The following CSMD1 variants were observed in gnomAD, a reference collection of about 807,000 sequenced individuals.
The protein encoded by CSMD1 is CUB and sushi domain-containing protein 1.
Under a neutral mutation model 417.5 loss-of-function variants are expected in CSMD1, and 213 were observed. That is an observed-to-expected ratio of 0.51 (90% confidence interval 0.46 to 0.57). CSMD1 has a LOEUF of 0.57. Among genes scored for constraint, CSMD1 ranks in the 20% least tolerant of loss-of-function variants. The probability of loss-of-function intolerance (pLI) is 0.00; values close to 1 mark genes in which losing one functional copy is unlikely to be tolerated. For synonymous variants in CSMD1, 2,862 were observed against 1,736.8 expected, an observed-to-expected ratio of 1.65 and a Z score of -16.11; for missense variants, 6,923 against 4,529.7, an observed-to-expected ratio of 1.53 and a Z score of -15.17.
intron 1 of CSMD1, among the ~76,000 whole-genome samples, chr8:4,691,399 C>T (rs1806760449): frequency 1.3e-5 from 2 of 152,210 alleles, no homozygotes; most frequent in Non-Finnish European, 2.9e-5. Context: ...AAAGCAACCA[C>T]CTTCTTGCAA....
At chr8:3,295,317 G>C (rs770066303) in intron 25 of CSMD1, among the ~76,000 whole-genome samples, 10 of 151,902 alleles carry the variant, frequency 6.6e-5, no homozygotes, top group Non-Finnish European at 1.0e-4. Context: ...TAGTAGACAC[G>C]GGGTTTCACT....
chr8:4,021,540 C>A (rs976125645), intron 4 of CSMD1, among the ~76,000 whole-genome samples: 7 of 152,166 alleles, frequency 4.6e-5, no homozygotes, highest in African/African-American at 1.4e-4. Flanking sequence ...CAGCAAGGAT[C>A]AGCTCCTTCT....
At chr8:3,843,349 C>T (rs921635346) in intron 5 of CSMD1, among the ~76,000 whole-genome samples, 2 of 152,074 alleles carry the variant, frequency 1.3e-5, no homozygotes, top group African/African-American at 2.4e-5. Flanking sequence ...ACTTTATTTA[C>T]TGAATATTTA....
chr8:4,380,882 T>C (rs1803059387), intron 3 of CSMD1, among the ~76,000 whole-genome samples: 1 of 152,152 alleles, frequency 6.6e-6, no homozygotes, highest in African/African-American at 2.4e-5. Context: ...ACTTTTTATA[T>C]TTTAGGTAGT....
intron 5 of CSMD1, among the ~76,000 whole-genome samples, chr8:3,929,924 A>G (rs1052951565): frequency 3.3e-5 from 5 of 150,216 alleles, no homozygotes; most frequent in African/African-American, 1.2e-4. Flanking sequence ...AGCCTCCCAA[A>G]GCGCTGGGAT....
rs117892183 is a variant in CSMD1 at position 3,727,615 on chromosome 8, G to A, written c.932-19124C>T. ...TATGATACTGCAATTCGACTTTTGC[G>A]TACACACCTGAAATAATGGAAAGCT... On this transcript the variant is annotated intron_variant, in intron 6 of 69. Coordinates refer to ENST00000635120, the MANE Select transcript of CSMD1 (RefSeq NM_033225.6). 7.2e-3 allele frequency among the ~76,000 whole-genome samples: 1,092 copies of A among 152,240 alleles called. 3 individuals are homozygous for A. Among genetic ancestry groups the A allele is most frequent in the South Asian group, 0.016 (75 of 4,826 alleles).
intron 3 of CSMD1, among the ~76,000 whole-genome samples, chr8:4,376,301 T>G (rs770632580): frequency 6.6e-6 from 1 of 152,202 alleles, no homozygotes; most frequent in Non-Finnish European, 1.5e-5. Context: ...GTAGAAAATT[T>G]AGAAAGTCAG....
chr8:4,626,899 T>C (rs187900036), intron 2 of CSMD1, among the ~76,000 whole-genome samples: 1 of 152,296 alleles, frequency 6.6e-6, no homozygotes, highest in African/African-American at 2.4e-5. Context: ...TTTTCGATTC[T>C]TTATTATTTT....
intron 6 of CSMD1, among the ~76,000 whole-genome samples, chr8:3,725,524 A>C (rs2720808): frequency 0.97 from 147,338 of 152,268 alleles, 71,467 homozygotes; most frequent in East Asian, 1. Context: ...GTGTATGTGT[A>C]TGTGGGTTTG....
Position 3,998,020 on chromosome 8 carries a change from C to T in CSMD1, c.701G>A (p.Cys234Tyr), listed in dbSNP as rs748456649. ...GGGCTCAGCCAGAATGGTCCAGGTG[C>T]AGTCCGCGTTGTTCTCGTACTCTGA... ...FPSEYENNAD[C>Y]TWTILAEPGD... The change falls in exon 5 of 70, where the codon TGC (cysteine) becomes TAC (tyrosine). Residue 234 changes from cysteine (C) to tyrosine (Y), a missense_variant. Transcript: ENST00000635120. 7 of 1,607,372 alleles carry T rather than the reference C, an allele frequency of 4.4e-6. No individual in the cohort carries two copies. Among genetic ancestry groups the T allele is most frequent in the Non-Finnish European group, 5.9e-6 (7 of 1,176,654 alleles).
chr8:4,520,042 C>T lies in CSMD1; in HGVS notation c.303-99977G>A, dbSNP rs147488351. Among the ~76,000 whole-genome samples, 200 of 151,816 alleles carry T rather than the reference C, an allele frequency of 1.3e-3. 1 individual carries two copies. Among genetic ancestry groups the T allele is most frequent in the African/African-American group, 4.4e-3 (181 of 41,388 alleles). ...GAAATAAATTAGAATAAATTCTATG[C>T]TTGTTTAACACTCAACTTTCTCTTT... On this transcript the variant is annotated intron_variant, in intron 2 of 69. Transcript: ENST00000635120.
intron 3 of CSMD1, among the ~76,000 whole-genome samples, chr8:4,249,618 C>A (rs539145127): frequency 6.6e-6 from 1 of 152,288 alleles, no homozygotes; most frequent in East Asian, 1.9e-4. Flanking sequence ...GAAATGTTTT[C>A]TCTGCTCAAC....
chr8:4,920,606 G>C (rs1458835804), intron 1 of CSMD1, among the ~76,000 whole-genome samples: 2 of 152,168 alleles, frequency 1.3e-5, no homozygotes, highest in South Asian at 2.1e-4. Flanking sequence ...TGGATCACCT[G>C]AAGTCAGGAG....
chr8:4,615,539 G>A (rs866325535), intron 2 of CSMD1, among the ~76,000 whole-genome samples: 8 of 152,152 alleles, frequency 5.3e-5, no homozygotes, highest in African/African-American at 1.9e-4. Context: ...TGCATATTTA[G>A]CAAATGTGTG....
intron 3 of CSMD1, among the ~76,000 whole-genome samples, chr8:4,212,174 TTA>T (rs10682206): frequency 0.12 from 17,173 of 145,566 alleles, 1,483 homozygotes; most frequent in African/African-American, 0.25. Flanking sequence ...ACTTCCCTAT[TTA>T]TATATATATA....
At chr8:4,938,301 AG>A (rs1807759249) in intron 1 of CSMD1, among the ~76,000 whole-genome samples, 1 of 152,296 alleles carries the variant, frequency 6.6e-6, no homozygotes, top group East Asian at 1.9e-4. Context: ...GAAATTTGAC[AG>A]GAAAAGTTTA....
At chr8:3,739,003 T>C (rs954846574) in intron 6 of CSMD1, among the ~76,000 whole-genome samples, 3 of 152,246 alleles carry the variant, frequency 2.0e-5, no homozygotes, top group African/African-American at 4.8e-5. Flanking sequence ...GAGATATATA[T>C]TGTTATATTG....
chr8:4,114,736 A>G (rs932497312), intron 3 of CSMD1, among the ~76,000 whole-genome samples: 2 of 152,204 alleles, frequency 1.3e-5, no homozygotes, highest in African/African-American at 2.4e-5. Flanking sequence ...AGTTGATTCC[A>G]ACACTTTACA....
chr8:3,189,622 T>C (rs1796297365), intron 34 of CSMD1, among the ~76,000 whole-genome samples: 1 of 152,206 alleles, frequency 6.6e-6, no homozygotes, highest in African/African-American at 2.4e-5. Context: ...TAATGGTTTT[T>C]TCCCAAAATG....
Sources: gnomAD v4.1 joint callset for allele counts (sites outside exome capture counted in the v4.1 genomes callset) on GRCh38, gnomAD v4.1.1 for gene constraint, MANE v1.5 for transcripts, NCBI Gene and HGNC (gene_info 2026-07-23, HGNC 2026-07-21) for gene names.